Variants in UBL3 observed in about 807,000 individuals in gnomAD.
UBL3 encodes ubiquitin like 3, also known as ubiquitin-like protein 3.
Under a neutral mutation model 18.4 loss-of-function variants are expected in UBL3, and 6 were observed. That is an observed-to-expected ratio of 0.33 (90% CI 0.18 to 0.64). The LOEUF (loss-of-function observed/expected upper bound fraction) is 0.64. UBL3 is among the 30% of genes least tolerant of loss of function. The pLI is 0.76. For missense variants in UBL3, 109 were observed against 142.9 expected (o/e 0.76, Z 1.21); for synonymous variants, 49 against 46.6 (o/e 1.05, Z -0.21).
At chr13:29,799,135 T>C (rs561504658) in intron 1 of UBL3, among the ~76,000 whole-genome samples, 45 of 152,260 alleles carry the variant, frequency 3.0e-4, no homozygotes, top group Non-Finnish European at 4.3e-4. Context: ...GTTTTGTGCA[T>C]TGTAGGAGGT....
intron 3 of UBL3, among the ~76,000 whole-genome samples, chr13:29,771,880 T>C (rs945483072): frequency 1.3e-5 from 2 of 152,078 alleles, no homozygotes; most frequent in African/African-American, 4.8e-5. Context: ...TATAGAATCC[T>C]ACCTATACTG....
intron 1 of UBL3, among the ~76,000 whole-genome samples, chr13:29,785,611 C>T (rs941117438): frequency 2.6e-5 from 4 of 151,912 alleles, no homozygotes; most frequent in African/African-American, 7.3e-5. Context: ...AATGAGGAAG[C>T]GATATATTCA....
chr13:29,809,282 A>G (rs1877977722), intron 1 of UBL3, among the ~76,000 whole-genome samples: 1 of 151,940 alleles, frequency 6.6e-6, no homozygotes, highest in African/African-American at 2.4e-5. Flanking sequence ...AGACCTGAAG[A>G]AGGAGTCAGA....
rs566750864 is a variant in UBL3, at chr13:29,775,448, T to C, written c.136+1707A>G. Among the ~76,000 whole-genome samples, 6 of 152,330 alleles carry C rather than the reference T, an allele frequency of 3.9e-5. No homozygotes were observed. The South Asian group carries it at 1.2e-3, about 32-fold the overall frequency. On this transcript the variant is annotated intron_variant, in intron 2 of 4. Coordinates refer to ENST00000380680, the MANE Select transcript of UBL3 (RefSeq NM_007106.4). ...ATTGACTCATTTTGTACATATACTA[T>C]GTTCTTTGTCAAAATAAGTCTTGTC...
In UBL3 at chr13:29,850,126, GC is replaced by G. The variant is rs1414122745; in HGVS notation, c.-589del. The G allele has an allele frequency of 6.6e-6, 1 of 152,366 alleles. No homozygotes were observed. The highest frequency in any genetic ancestry group is 1.5e-5 in the Non-Finnish European group (1 of 68,110). 9.4% of individuals were successfully genotyped at this position (152,366 alleles called of 1,614,324 possible). A position where few individuals can be genotyped will look rare whatever the true frequency, so the allele number is the denominator to read the frequency against. On this transcript the variant is annotated 5_prime_UTR_variant, in exon 1 of 5. The change abolishes the stop of an existing upstream ORF in the 5' untranslated region. Transcript: ENST00000380680. ...AGCGCGGGGAAACGGCTCAACTCGCGCCGCGGGGGCGAAGAGCCGGGCCGCG... is the reference window on the plus strand; with the variant it reads ...AGCGCGGGGAAACGGCTCAACTCGCGCGCGGGGGCGAAGAGCCGGGCCGCG...
At chr13:29,770,823 T>TAA (rs11441723) in intron 3 of UBL3, among the ~76,000 whole-genome samples, 213 of 150,250 alleles carry the variant, frequency 1.4e-3, no homozygotes, top group African/African-American at 2.6e-3. Flanking sequence ...ACAAAAGCTA[T>TAA]AAAAAAAAAG....
At chr13:29,815,441 A>G (rs1339282786) in intron 1 of UBL3, among the ~76,000 whole-genome samples, 1 of 152,206 alleles carries the variant, frequency 6.6e-6, no homozygotes, top group Non-Finnish European at 1.5e-5. Flanking sequence ...TATTAAAAGT[A>G]TTTTATCCAA....
In UBL3 at chr13:29,777,283, C is replaced by A. The variant is rs1361982488; in HGVS notation, c.28-20G>T. 2 of 1,576,628 alleles carry A rather than the reference C, an allele frequency of 1.3e-6. No individual in the cohort carries two copies. Among genetic ancestry groups the A allele is most frequent in the Admixed American group, 3.7e-5 (2 of 54,698 alleles). On this transcript the variant is annotated intron_variant, in intron 1 of 4. Transcript: ENST00000380680. ...ATTTATCTGAAAGAAGACAATGATTCTTTTAACATAAATCTAAAAATTTTT... is the reference window on the plus strand; with the variant it reads ...ATTTATCTGAAAGAAGACAATGATTATTTTAACATAAATCTAAAAATTTTT...
intron 1 of UBL3, among the ~76,000 whole-genome samples, chr13:29,807,246 C>T (rs921482849): frequency 2.0e-5 from 3 of 152,112 alleles, no homozygotes; most frequent in Non-Finnish European, 4.4e-5. Context: ...GTATGGGAAA[C>T]GAAGGTTAAA....
At chr13:29,784,588 G>A (rs4083609) in intron 1 of UBL3, among the ~76,000 whole-genome samples, 147,378 of 151,822 alleles carry the variant, frequency 0.97, 71,595 homozygotes, top group Non-Finnish European at 1. Flanking sequence ...AACAACTCCC[G>A]ACTTATATCA....
chr13:29,836,559 C>T (rs1878967953), intron 1 of UBL3, among the ~76,000 whole-genome samples: 1 of 151,788 alleles, frequency 6.6e-6, no homozygotes, highest in Non-Finnish European at 1.5e-5. Context: ...AGCCAAGATC[C>T]CTTAGAGAAG....
chr13:29,815,004 C>T (rs1242196258), intron 1 of UBL3, among the ~76,000 whole-genome samples: 1 of 152,084 alleles, frequency 6.6e-6, no homozygotes, highest in Non-Finnish European at 1.5e-5. Flanking sequence ...GTTATAAAAT[C>T]AGTTTATTCC....
intron 1 of UBL3, among the ~76,000 whole-genome samples, chr13:29,827,983 T>C (rs1878668706): frequency 6.6e-6 from 1 of 152,220 alleles, no homozygotes; most frequent in African/African-American, 2.4e-5. Flanking sequence ...AAAATTCTTT[T>C]CTTTAAGAAT....
chr13:29,793,527 A>G (rs1308430443), intron 1 of UBL3, among the ~76,000 whole-genome samples: 1 of 152,204 alleles, frequency 6.6e-6, no homozygotes, highest in African/African-American at 2.4e-5. Context: ...GCAATGTTCT[A>G]TTTATTTATT....
chr13:29,770,373 G>C (rs1456649600), intron 3 of UBL3, among the ~76,000 whole-genome samples: 2 of 151,964 alleles, frequency 1.3e-5, no homozygotes, highest in African/African-American at 4.8e-5. Flanking sequence ...CAGCAACACA[G>C]AATTACAATA....
intron 1 of UBL3, among the ~76,000 whole-genome samples, chr13:29,839,851 C>A (rs1259030549): frequency 6.7e-6 from 1 of 149,264 alleles, no homozygotes; most frequent in Non-Finnish European, 1.5e-5. Context: ...GGCGTGAACC[C>A]GGGAGGCGGA....
intron 1 of UBL3, among the ~76,000 whole-genome samples, chr13:29,846,754 T>C (rs1404420997): frequency 6.6e-6 from 1 of 152,114 alleles, no homozygotes; most frequent in Non-Finnish European, 1.5e-5. Flanking sequence ...ACCATTAACA[T>C]ATAAAAGATT....
chr13:29,847,491 C>G (rs1309301854), intron 1 of UBL3, among the ~76,000 whole-genome samples: 2 of 152,194 alleles, frequency 1.3e-5, no homozygotes, highest in Non-Finnish European at 2.9e-5. Context: ...ACTTCCCAGT[C>G]CTCTGATCCT....
intron 1 of UBL3, among the ~76,000 whole-genome samples, chr13:29,780,622 C>T (rs999902923): frequency 1.2e-4 from 18 of 151,752 alleles, no homozygotes; most frequent in Admixed American, 3.9e-4. Flanking sequence ...TAACAGGCTA[C>T]GAAATATAGA....
Sources: allele counts gnomAD v4.1 joint callset (sites outside exome capture counted in the v4.1 genomes callset), GRCh38; gene constraint gnomAD v4.1.1; transcripts MANE v1.5; gene names NCBI Gene and HGNC (gene_info 2026-07-23, HGNC 2026-07-21).